Variants in KANK2 observed in about 807,000 individuals in gnomAD.
KANK2 encodes KN motif and ankyrin repeat domain-containing protein 2.
KANK2 carries 41 observed loss-of-function variants against 74.6 expected under a neutral mutation model. The observed-to-expected ratio is 0.55, with a 90% CI of 0.43 to 0.71. The LOEUF (loss-of-function observed/expected upper bound fraction) is 0.71. KANK2 is among the 30% of genes least tolerant of loss of function. The probability of loss-of-function intolerance (pLI) is 0.00; values close to 1 mark genes in which losing one functional copy is unlikely to be tolerated. For synonymous variants in KANK2, 537 were observed against 519.0 expected, an observed-to-expected ratio of 1.03 and a Z score of -0.47; for missense variants, 1,148 against 1,196.4, an observed-to-expected ratio of 0.96 and a Z score of 0.60.
chr19:11,195,933 G>A (rs984513991), intron 1 of KANK2, 113 bp from the exon 2 acceptor site: 1 of 151,800 alleles, frequency 6.6e-6, no homozygotes, highest in Admixed American at 6.6e-5. Flanking sequence ...AAAGAGAGAT[G>A]GAGAAGCAGG....
At position 11,193,305 on chromosome 19, in the gene KANK2, G is replaced by T. The variant is rs777245087; in HGVS notation, c.775C>A (p.Pro259Thr). The change falls in exon 4 of 13, where the codon CCA becomes ACA. Residue 259 changes from proline to threonine, a missense_variant. By Grantham distance (38) the Pro-to-Thr change is conservative. Coordinates refer to ENST00000586659, the MANE Select transcript of KANK2 (RefSeq NM_001136191.3). This position sits in a 1 kb window ranked among gnomAD's most constrained non-coding sequence, Gnocchi z 9.6. ...CLDLPDPPED[P>T]VALETRSVGT... ...ACACTCCGGGTCTCCAGTGCCACTG[G>T]GTCCTCTGGGGGATCGGGGAGGTCC... 9 of 1,612,278 alleles carry T rather than the reference G, an allele frequency of 5.6e-6. No individual in the cohort carries two copies. The South Asian group carries it at 9.9e-5, about 18-fold the overall frequency.
In KANK2 at chr19:11,193,674, C is replaced by T. The variant is rs777891605; in HGVS notation, c.406G>A (p.Glu136Lys). 12 of 1,605,442 alleles carry T rather than the reference C, an allele frequency of 7.5e-6. No homozygotes were observed. Among genetic ancestry groups the T allele is most frequent in the Non-Finnish European group, 1.0e-5 (12 of 1,175,328 alleles). ...CCGGTGGGTGTGGCCGCCTGGTCCT[C>T]GAGACGGCGACGGGCATCCAGCAGC... ...RTLLDARRRL[E>K]DQAATPTGLG... The change falls in exon 4 of 13, where the codon GAG becomes AAG. Residue 136 changes from glutamate (E) to lysine (K), a missense_variant. Transcript: ENST00000586659. The surrounding 1 kb of genome is among the most constrained non-coding windows in gnomAD (Gnocchi z 9.6).
chr19:11,176,719 C>T lies in KANK2; in HGVS notation c.1619G>A (p.Ser540Asn). The T allele has an allele frequency of 6.2e-7, 1 of 1,611,518 alleles. No individual in the cohort carries two copies. The highest frequency in any genetic ancestry group is 8.5e-7 in the Non-Finnish European group (1 of 1,178,720). The stretch of plus-strand genomic sequence containing the variant: ...CCTGAGCTGGGGGGCTTCGGCCACA[C>T]TCGGAACCCTCTCCCTCGGCTCTGG... The part of the protein sequence containing the change: ...EAPEPRERVP[S>N]VAEAPQLRPA... Residue 540 changes from serine to asparagine, a missense_variant, in exon 7 of 13, where the codon AGT (serine) becomes AAT (asparagine). Coordinates refer to ENST00000586659, the MANE Select transcript of KANK2 (RefSeq NM_001136191.3).
chr19:11,175,290 T>C (rs919671441), intron 8 of KANK2, among the ~76,000 whole-genome samples: 4 of 151,388 alleles, frequency 2.6e-5, no homozygotes, highest in Admixed American at 1.3e-4. Context: ...TAGCCAGACG[T>C]GGTGGCACAT....
At chr19:11,177,595 A>C (rs1421180839) in intron 6 of KANK2, among the ~76,000 whole-genome samples, 1 of 151,278 alleles carries the variant, frequency 6.6e-6, no homozygotes, top group Middle Eastern at 3.2e-3. Context: ...CAAGTGATCC[A>C]CCCGCCTCAG....
intron 8 of KANK2, among the ~76,000 whole-genome samples, chr19:11,175,256 A>T (rs1017738164): frequency 6.6e-6 from 1 of 151,558 alleles, no homozygotes; most frequent in African/African-American, 2.4e-5. Flanking sequence ...GTGAAACCCC[A>T]TCTCTACTCA....
At chr19:11,183,655 A>ATT (rs374907585) in intron 4 of KANK2, among the ~76,000 whole-genome samples, 1 of 144,992 alleles carries the variant, frequency 6.9e-6, no homozygotes. Context: ...TGCCCAGCTA[A>ATT]TTTTTTTTTT....
chr19:11,167,907 G>A (rs558802723), intron 12 of KANK2, among the ~76,000 whole-genome samples: 1 of 151,540 alleles, frequency 6.6e-6, no homozygotes, highest in South Asian at 2.1e-4. Flanking sequence ...GGAAGACCAT[G>A]TGATTCACTC....
At chr19:11,181,654 AT>A (rs1366512408) in intron 4 of KANK2, among the ~76,000 whole-genome samples, 2 of 152,176 alleles carry the variant, frequency 1.3e-5, no homozygotes, top group Non-Finnish European at 2.9e-5. Context: ...GTTTGGAAAG[AT>A]GAGAAAGTTC....
rs754538570 is a variant in KANK2, at chr19:11,193,578, T to G, written c.502A>C (p.Thr168Pro). Residue 168 changes from threonine (T) to proline (P), a missense_variant, in exon 4 of 13, where the codon ACA becomes CCA. Transcript: ENST00000586659. This position sits in a 1 kb window ranked among gnomAD's most constrained non-coding sequence, Gnocchi z 9.6. ...GTGGACAGTCCTGAACTCCGTGGTG[T>G]CGGGGGTGGCAACCCCACGCCCACC... ...SLVGVGLPPPTPRSSGLSTPV... is the reference protein window; with the variant it reads ...SLVGVGLPPPPPRSSGLSTPV... 6.3e-7 allele frequency: 1 copy of G among 1,588,740 alleles called. No homozygotes were observed. Among genetic ancestry groups the G allele is most frequent in the South Asian group, 1.1e-5 (1 of 89,386 alleles).
rs61531062 is a variant in KANK2 at position 11,178,095 on chromosome 19, G to A, written c.1520+250C>T. On this transcript the variant is annotated intron_variant, in intron 6 of 12. Coordinates refer to ENST00000586659, the MANE Select transcript of KANK2 (RefSeq NM_001136191.3). ...CGTCCGGCACCTTCTGTGGGGTAGAGCTGTGCAGTGGTTACACCTTGAGCT... is the reference window on the plus strand; with the variant it reads ...CGTCCGGCACCTTCTGTGGGGTAGAACTGTGCAGTGGTTACACCTTGAGCT... Among the ~76,000 whole-genome samples, 5,761 of 152,240 alleles carry A rather than the reference G, an allele frequency of 0.038. 241 individuals are homozygous for A. Among genetic ancestry groups the A allele is most frequent in the East Asian group, 0.16 (818 of 5,166 alleles).
At chr19:11,166,734 A>G in intron 12 of KANK2, 123 bp from the exon 13 acceptor site, 1 of 844,192 alleles carries the variant, frequency 1.2e-6, no homozygotes, top group Non-Finnish European at 1.9e-6. Flanking sequence ...CCCTGGCCCC[A>G]AGGAGGTGGC....
intron 4 of KANK2, among the ~76,000 whole-genome samples, chr19:11,179,041 C>A (rs918791213): frequency 1.3e-5 from 2 of 152,176 alleles, no homozygotes; most frequent in East Asian, 1.9e-4. Context: ...TTTGGCCGGG[C>A]ACGGTGACTC....
Position 11,194,060 on chromosome 19 carries a change from A to C in KANK2, c.38-18T>G. ...AGGGGTCCCTGGGGATGGGAGAAAC[A>C]CCAGGACCTTTGAATCCTCTTGTCC... On this transcript the variant is annotated intron_variant, in intron 3 of 12. Transcript: ENST00000586659. 1 of 1,583,000 alleles carries C rather than the reference A, an allele frequency of 6.3e-7. No individual in the cohort carries two copies. The highest frequency in any genetic ancestry group is 8.6e-7 in the Non-Finnish European group (1 of 1,164,842).
intron 8 of KANK2, 48 bp downstream of exon 8, chr19:11,175,854 G>A (rs1462803245): frequency 7.1e-6 from 10 of 1,417,116 alleles, no homozygotes; most frequent in Non-Finnish European, 9.9e-6. Flanking sequence ...GTGGGGTGGA[G>A]GTAGGGGTCC....
chr19:11,186,174 G>T (rs2078669312), intron 4 of KANK2, among the ~76,000 whole-genome samples: 1 of 152,136 alleles, frequency 6.6e-6, no homozygotes, highest in Admixed American at 6.5e-5. Context: ...GATCACCTAA[G>T]GATGAGAGTT....
At position 11,174,538 on chromosome 19, in the gene KANK2, T is replaced by C. The variant is rs760859476; in HGVS notation, c.2003A>G (p.Asn668Ser). 6.2e-7 allele frequency: 1 copy of C among 1,613,750 alleles called. No individual in the cohort carries two copies. The highest frequency in any genetic ancestry group is 1.1e-5 in the South Asian group (1 of 90,988). ...AGACACGGAGTAGTGCAGGGCTGTG[T>C]TGCCGTTGCTGTCGGCGATGTTGAC... The part of the protein sequence containing the change: ...YVVNIADSNG[N>S]TALHYSVSHA... The change falls in exon 9 of 13, where the codon AAC becomes AGC. Residue 668 changes from asparagine to serine, a missense_variant. Transcript: ENST00000586659.
intron 4 of KANK2, among the ~76,000 whole-genome samples, chr19:11,180,693 C>G (rs1030770458): frequency 3.3e-5 from 5 of 152,108 alleles, no homozygotes; most frequent in African/African-American, 1.2e-4. Context: ...TCTTTTTAAA[C>G]TTGGCAATAA....
intron 9 of KANK2, 73 bp from the exon 10 acceptor site, chr19:11,173,196 C>T (rs1208361162): frequency 2.4e-5 from 37 of 1,513,704 alleles, no homozygotes; most frequent in African/African-American, 1.4e-4. Flanking sequence ...GTGGATACCA[C>T]GTCTCGTCCA....
Sources: gnomAD v4.1 joint callset for allele counts (sites outside exome capture counted in the v4.1 genomes callset) on GRCh38, gnomAD v4.1.1 for gene constraint, Gnocchi (gnomAD v3.1) non-coding constraint, MANE v1.5 for transcripts, NCBI Gene and HGNC (gene_info 2026-07-23, HGNC 2026-07-21) for gene names.